Variants in IGF1R observed in about 807,000 individuals in gnomAD.
The protein encoded by IGF1R is insulin-like growth factor 1 receptor.
In IGF1R, 44 loss-of-function variants were observed where a neutral mutation model predicts 144.6. The observed-to-expected ratio is 0.30, with a 90% CI of 0.24 to 0.39. IGF1R has a LOEUF of 0.39. IGF1R is among the 10% of genes least tolerant of loss of function. IGF1R has a pLI of 1.00. For missense variants in IGF1R, 1,355 were observed against 1,833.7 expected (o/e 0.74, Z 4.77); for synonymous variants, 795 against 722.8 (o/e 1.10, Z -1.60).
intron 2 of IGF1R, among the ~76,000 whole-genome samples, chr15:98,714,334 G>A (rs2054065568): frequency 6.6e-6 from 1 of 152,146 alleles, no homozygotes; most frequent in African/African-American, 2.4e-5. Context: ...TCAAAGTGGA[G>A]GACCTGTTTA....
chr15:98,917,570 T>A (rs1209192024), intron 10 of IGF1R, among the ~76,000 whole-genome samples: 1 of 152,186 alleles, frequency 6.6e-6, no homozygotes, highest in Admixed American at 6.5e-5. Flanking sequence ...AGTAGCCAAA[T>A]CTGGAAACCC....
chr15:98,684,391 T>A (rs1385065736), intron 1 of IGF1R, among the ~76,000 whole-genome samples: 11 of 140,266 alleles, frequency 7.8e-5, no homozygotes, highest in Non-Finnish European at 1.5e-4. Flanking sequence ...GTTTGTTTTA[T>A]GCTTGCTAAT....
At chr15:98,907,811 G>A (rs531687944) in intron 5 of IGF1R, among the ~76,000 whole-genome samples, 16 of 152,356 alleles carry the variant, frequency 1.1e-4, no homozygotes, top group Admixed American at 2.6e-4. Context: ...CAGAAGCCAC[G>A]TCTGGTTTGG....
chr15:98,676,245 A>G (rs1374520384), intron 1 of IGF1R, among the ~76,000 whole-genome samples: 3 of 151,528 alleles, frequency 2.0e-5, no homozygotes, highest in Admixed American at 6.6e-5. Flanking sequence ...GGTTCAAGCA[A>G]TTCTGCCTCA....
intron 9 of IGF1R, chr15:98,916,451 G>T: frequency 1.7e-6 from 1 of 587,616 alleles, no homozygotes. Context: ...TAGTAGAGAC[G>T]GGGTTTCACC....
At chr15:98,700,426 G>A (rs948249732) in intron 1 of IGF1R, among the ~76,000 whole-genome samples, 1 of 152,144 alleles carries the variant, frequency 6.6e-6, no homozygotes, top group Non-Finnish European at 1.5e-5. Flanking sequence ...TGGTGTGGTG[G>A]GTTATTCAGT....
At chr15:98,811,975 A>T (rs1393494434) in intron 2 of IGF1R, among the ~76,000 whole-genome samples, 1 of 152,264 alleles carries the variant, frequency 6.6e-6, no homozygotes, top group Non-Finnish European at 1.5e-5. Flanking sequence ...ATACTTGAGG[A>T]CATCTTTTCT....
At chr15:98,867,373 T>A (rs1300269553) in intron 2 of IGF1R, among the ~76,000 whole-genome samples, 2 of 152,228 alleles carry the variant, frequency 1.3e-5, no homozygotes, top group African/African-American at 4.8e-5. Flanking sequence ...TATATTAATA[T>A]GAGTAGTGAT....
chr15:98,796,491 AG>A (rs2056245179), intron 2 of IGF1R, among the ~76,000 whole-genome samples: 1 of 152,032 alleles, frequency 6.6e-6, no homozygotes, highest in African/African-American at 2.4e-5. Flanking sequence ...TCCTGCAGGG[AG>A]AAAAGAGATA....
chr15:98,956,601 A>T (rs2016994974), intron 20 of IGF1R, among the ~76,000 whole-genome samples: 1 of 152,162 alleles, frequency 6.6e-6, no homozygotes, highest in African/African-American at 2.4e-5. Context: ...GAGAGAGAGC[A>T]CTGTTGGGGA....
intron 1 of IGF1R, among the ~76,000 whole-genome samples, chr15:98,657,965 C>T (rs2052523284): frequency 1.3e-5 from 2 of 152,198 alleles, no homozygotes; most frequent in South Asian, 4.1e-4. Flanking sequence ...GCTGAGTTGG[C>T]CTCTGAACCA....
At chr15:98,951,970 C>A (rs534413589) in intron 20 of IGF1R, among the ~76,000 whole-genome samples, 15 of 152,208 alleles carry the variant, frequency 9.9e-5, no homozygotes, top group Non-Finnish European at 2.1e-4. Context: ...CACATCATCC[C>A]TGTGTTGTCA....
At chr15:98,919,115 G>C (rs1014794467) in intron 10 of IGF1R, among the ~76,000 whole-genome samples, 4 of 152,202 alleles carry the variant, frequency 2.6e-5, no homozygotes, top group Non-Finnish European at 5.9e-5. Flanking sequence ...TTGGAAACTG[G>C]AACTCAATGA....
At chr15:98,878,646 C>T (rs1320688011) in intron 2 of IGF1R, among the ~76,000 whole-genome samples, 3 of 106,644 alleles carry the variant, frequency 2.8e-5, no homozygotes, top group Admixed American at 2.7e-4. Flanking sequence ...TTTCTCTCTT[C>T]TTATTTGTGA....
In IGF1R at chr15:98,913,121, T is replaced by C. The variant is rs200466150; in HGVS notation, c.1667T>C (p.Leu556Pro). ...SNSWNMVDVD[L>P]PPNKDVEPGI... ...AGCTGGAACATGGTGGACGTGGACCTCCCGCCCAACAAGGACGTGGAGCCC... is the reference window on the plus strand; with the variant it reads ...AGCTGGAACATGGTGGACGTGGACCCCCCGCCCAACAAGGACGTGGAGCCC... Residue 556 changes from leucine to proline, a missense_variant, in exon 8 of 21, where the codon CTC (leucine) becomes CCC (proline). Physicochemically the swap from Leu to Pro is moderately conservative, Grantham distance 98. Around this residue, in one of 7 missense-constraint regions of IGF1R, gnomAD observed 880 missense variants for 1,202.7 expected, o/e 0.73. Transcript: ENST00000650285. 1 of 1,614,174 alleles carries C rather than the reference T, an allele frequency of 6.2e-7. No homozygotes were observed. Among genetic ancestry groups the C allele is most frequent in the African/African-American group, 1.3e-5 (1 of 75,048 alleles).
chr15:98,754,041 A>C (rs2055087753), intron 2 of IGF1R, among the ~76,000 whole-genome samples: 2 of 152,170 alleles, frequency 1.3e-5, no homozygotes, highest in Non-Finnish European at 2.9e-5. Context: ...TTTTCAGAAA[A>C]TTTAAATGTA....
intron 2 of IGF1R, among the ~76,000 whole-genome samples, chr15:98,751,581 A>G (rs753156769): frequency 5.3e-5 from 8 of 152,192 alleles, no homozygotes; most frequent in Non-Finnish European, 1.0e-4. Flanking sequence ...CCAGTTTTTT[A>G]TAAGTAAAGA....
chr15:98,911,232 A>G, intron 6 of IGF1R, 83 bp from the exon 7 acceptor site: 5 of 1,525,398 alleles, frequency 3.3e-6, no homozygotes, highest in South Asian at 1.1e-5. Context: ...GCTTTGGGGA[A>G]GGGGGAAGCA....
intron 2 of IGF1R, among the ~76,000 whole-genome samples, chr15:98,839,300 G>A (rs1427697620): frequency 1.3e-5 from 2 of 152,194 alleles, no homozygotes; most frequent in Non-Finnish European, 2.9e-5. Context: ...CAGACCTGGG[G>A]TTTGAACCGA....
Sources: gnomAD v4.1 joint callset for allele counts (sites outside exome capture counted in the v4.1 genomes callset) on GRCh38, gnomAD v4.1.1 for gene constraint, gnomAD v4.1.1 regional missense constraint, MANE v1.5 for transcripts, NCBI Gene and HGNC (gene_info 2026-07-23, HGNC 2026-07-21) for gene names.